DHRSX: variants seen among roughly 807,000 people sequenced by gnomAD.
DHRSX encodes dehydrogenase/reductase X-linked, also known as polyprenol dehydrogenase.
In DHRSX, 31 loss-of-function variants were observed where a neutral mutation model predicts 34.0. The observed-to-expected ratio is 0.91, with a 90% CI of 0.69 to 1.23. The LOEUF (loss-of-function observed/expected upper bound fraction) is 1.23, where lower values mean the gene tolerates loss of function less well. DHRSX is among the 50% of genes most tolerant of loss of function. The probability of loss-of-function intolerance (pLI) is 0.00; values close to 1 mark genes in which losing one functional copy is unlikely to be tolerated. For missense variants in DHRSX, 414 were observed against 428.1 expected (o/e 0.97, Z 0.29); for synonymous variants, 201 against 183.8 (o/e 1.09, Z -0.76).
At chrX:2,272,193 G>A (rs920982525) in intron 4 of DHRSX, among the ~76,000 whole-genome samples, 2 of 152,092 alleles carry the variant, frequency 1.3e-5, no homozygotes, top group South Asian at 2.1e-4. Flanking sequence ...GTGGGTGGAC[G>A]GGAAGCTTTG....
At chrX:2,259,719 C>G (rs1176056670) in intron 5 of DHRSX, among the ~76,000 whole-genome samples, 1 of 152,138 alleles carries the variant, frequency 6.6e-6, no homozygotes, top group South Asian at 2.1e-4. Context: ...TCCTGCCTTT[C>G]CCAGCTTCTG....
At chrX:2,457,891 C>A (rs1237053915) in intron 1 of DHRSX, among the ~76,000 whole-genome samples, 1 of 151,666 alleles carries the variant, frequency 6.6e-6, no homozygotes, top group Admixed American at 6.6e-5. Context: ...AGCCAAGAGA[C>A]GGCAGGGAAT....
chrX:2,405,005 C>G (rs1296484876), intron 3 of DHRSX, among the ~76,000 whole-genome samples: 1 of 152,190 alleles, frequency 6.6e-6, no homozygotes, highest in African/African-American at 2.4e-5. Flanking sequence ...GCGGGAGCCC[C>G]TGTGGGAGTG....
At chrX:2,371,241 C>T (rs1300352505) in intron 3 of DHRSX, among the ~76,000 whole-genome samples, 7 of 148,052 alleles carry the variant, frequency 4.7e-5, no homozygotes, top group Non-Finnish European at 1.0e-4. Flanking sequence ...TCCCCATTAC[C>T]ATAGTCCCTC....
At chrX:2,394,128 C>T (rs185209183) in intron 3 of DHRSX, among the ~76,000 whole-genome samples, 5 of 152,280 alleles carry the variant, frequency 3.3e-5, no homozygotes, top group East Asian at 3.9e-4. Context: ...TGCTTGTGTC[C>T]GGGCTCACTG....
At chrX:2,337,020 G>T (rs192893115) in intron 3 of DHRSX, among the ~76,000 whole-genome samples, 32 of 152,154 alleles carry the variant, frequency 2.1e-4, no homozygotes, top group Non-Finnish European at 1.0e-4. Context: ...TGGCCAGGCT[G>T]GTCTTGAACT....
At chrX:2,490,072 G>A in intron 1 of DHRSX, 1 of 1,613,778 alleles carries the variant, frequency 6.2e-7, no homozygotes. Context: ...GGCCCAGGAA[G>A]TGGGCGGCCA....
intron 6 of DHRSX, among the ~76,000 whole-genome samples, chrX:2,231,897 CTT>C (rs886245612): frequency 2.7e-5 from 4 of 149,684 alleles, no homozygotes; most frequent in African/African-American, 7.4e-5. Flanking sequence ...TCCTCCTCCT[CTT>C]TCTCTTATCT....
chrX:2,294,842 AAG>A (rs2041913639), intron 3 of DHRSX, among the ~76,000 whole-genome samples: 2 of 151,824 alleles, frequency 1.3e-5, no homozygotes, highest in Non-Finnish European at 2.9e-5. Context: ...GAGAAAGACA[AAG>A]AGAGCAGACA....
intron 1 of DHRSX, among the ~76,000 whole-genome samples, chrX:2,430,258 C>CA (rs5901189): frequency 0.58 from 71,392 of 123,056 alleles, 20,457 homozygotes; most frequent in East Asian, 0.92. Context: ...GACCCCAGCT[C>CA]AAAAAAAAAA....
intron 3 of DHRSX, among the ~76,000 whole-genome samples, chrX:2,397,594 C>G (rs1232636747): frequency 4.0e-5 from 6 of 151,500 alleles, no homozygotes; most frequent in African/African-American, 1.5e-4. Context: ...AACAGTAACA[C>G]AGCCAGGCAG....
rs1322501659 is a variant in DHRSX at position 2,248,618 on chromosome X, AAAAAAAAAG to A, written c.597-5397_597-5389del. 1.7e-4 allele frequency among the ~76,000 whole-genome samples: 11 copies of A among 63,916 alleles called. No homozygotes were observed. The East Asian group carries it at 3.3e-3, about 19-fold the overall frequency. 41.9% of individuals were successfully genotyped at this position (63,916 alleles called of 152,430 possible). A position where few individuals can be genotyped will look rare whatever the true frequency, so the allele number is the denominator to read the frequency against. On this transcript the variant is annotated intron_variant, in intron 5 of 6. Transcript: ENST00000334651. ...ACAAGAGCAAGACTCTGTCTCAAAA[AAAAAAAAAG>A]AAAAAGAAAAGAAAAGAAAAAGAAA...
intron 3 of DHRSX, among the ~76,000 whole-genome samples, chrX:2,309,881 T>C (rs1229333908): frequency 6.6e-6 from 1 of 152,078 alleles, no homozygotes; most frequent in Non-Finnish European, 1.5e-5. Context: ...CCTCTGCACC[T>C]CTGCACTCCA....
Position 2,264,161 on chromosome X carries a change from G to A in DHRSX, c.596+2579C>T, listed in dbSNP as rs566111120. ...GGATGTACATATCCCACAACACAGCGCCAGGAGCACCTGTGCCCGGCAGAT... is the reference window on the plus strand; with the variant it reads ...GGATGTACATATCCCACAACACAGCACCAGGAGCACCTGTGCCCGGCAGAT... On this transcript the variant is annotated intron_variant, in intron 5 of 6. Transcript: ENST00000334651. Among the ~76,000 whole-genome samples, 23 of 152,342 alleles carry A rather than the reference G, an allele frequency of 1.5e-4. 1 individual carries two copies. The highest frequency in any genetic ancestry group is 5.5e-4 in the African/African-American group (23 of 41,576).
intron 1 of DHRSX, among the ~76,000 whole-genome samples, chrX:2,496,283 C>A (rs996515918): frequency 1.3e-5 from 2 of 152,134 alleles, no homozygotes; most frequent in Admixed American, 1.3e-4. Context: ...ACTGCAACCT[C>A]CACCTCCCAG....
intron 1 of DHRSX, among the ~76,000 whole-genome samples, chrX:2,469,652 C>T (rs2044559025): frequency 6.6e-6 from 1 of 151,988 alleles, no homozygotes; most frequent in Non-Finnish European, 1.5e-5. Flanking sequence ...AAGGGACTGC[C>T]ACCGTGTACA....
At chrX:2,364,705 A>C (rs2042977391) in intron 3 of DHRSX, among the ~76,000 whole-genome samples, 1 of 133,760 alleles carries the variant, frequency 7.5e-6, no homozygotes, top group Non-Finnish European at 1.8e-5. Context: ...TTATCTATTT[A>C]CCATTTATTA....
chrX:2,485,598 G>A (rs2044872917), intron 1 of DHRSX, among the ~76,000 whole-genome samples: 1 of 120,862 alleles, frequency 8.3e-6, no homozygotes, highest in Non-Finnish European at 1.7e-5. Flanking sequence ...AAGGGAGGGA[G>A]ACAGGGAGGG....
At chrX:2,360,775 G>A (rs1383869628) in intron 3 of DHRSX, among the ~76,000 whole-genome samples, 2 of 151,818 alleles carry the variant, frequency 1.3e-5, no homozygotes, top group Non-Finnish European at 2.9e-5. Flanking sequence ...GCCCGATGTG[G>A]GCAGATGCTT....
Sources: allele counts gnomAD v4.1 joint callset (sites outside exome capture counted in the v4.1 genomes callset), GRCh38; gene constraint gnomAD v4.1.1; transcripts MANE v1.5; gene names NCBI Gene and HGNC (gene_info 2026-07-23, HGNC 2026-07-21).